LPP: variants seen among roughly 807,000 people sequenced by gnomAD.
The protein encoded by LPP is lipoma-preferred partner.
In LPP, 38 loss-of-function variants were observed where a neutral mutation model predicts 60.4. That is an observed-to-expected ratio of 0.63 (90% CI 0.49 to 0.83). LPP has a LOEUF of 0.83. LPP is among the 40% of genes least tolerant of loss of function. The probability of loss-of-function intolerance (pLI) is 0.00; values close to 1 mark genes in which losing one functional copy is unlikely to be tolerated. For synonymous variants in LPP, 328 were observed against 290.8 expected, an observed-to-expected ratio of 1.13 and a Z score of -1.30; for missense variants, 902 against 783.6, an observed-to-expected ratio of 1.15 and a Z score of -1.80.
intron 8 of LPP, chr3:188,709,958 A>G (rs1172248472): frequency 2.0e-5 from 3 of 152,258 alleles, no homozygotes; most frequent in African/African-American, 7.2e-5. Flanking sequence ...TTGTTCCTGT[A>G]TTTATCTCAT....
intron 1 of LPP, among the ~76,000 whole-genome samples, chr3:188,192,866 C>T (rs1351975162): frequency 1.3e-5 from 2 of 152,188 alleles, no homozygotes; most frequent in African/African-American, 2.4e-5. Flanking sequence ...TTGCTCCAGG[C>T]GTCGGCAGTG....
intron 6 of LPP, among the ~76,000 whole-genome samples, chr3:188,566,821 G>A (rs1370361730): frequency 1.3e-5 from 2 of 151,742 alleles, no homozygotes; most frequent in Non-Finnish European, 2.9e-5. Context: ...TTGGAGGGTG[G>A]AGAAGGGGAG....
At chr3:188,425,795 T>G (rs1789146724) in intron 4 of LPP, among the ~76,000 whole-genome samples, 1 of 152,164 alleles carries the variant, frequency 6.6e-6, no homozygotes, top group Non-Finnish European at 1.5e-5. Flanking sequence ...ATTGGTGATA[T>G]CCCCTTTATC....
chr3:188,512,577 A>AAAT (rs1277935187), intron 5 of LPP, among the ~76,000 whole-genome samples: 1 of 151,238 alleles, frequency 6.6e-6, no homozygotes, highest in African/African-American at 2.4e-5. Context: ...ATAAATAAAT[A>AAAT]AATAAATAAA....
chr3:188,247,256 A>T, intron 2 of LPP: 18 of 679,818 alleles, frequency 2.6e-5, no homozygotes, highest in Non-Finnish European at 3.1e-5. Context: ...AGGGCACTTT[A>T]GTGGGAAAAA....
chr3:188,505,132 C>T (rs1813081130), intron 5 of LPP, among the ~76,000 whole-genome samples: 1 of 152,146 alleles, frequency 6.6e-6, no homozygotes, highest in African/African-American at 2.4e-5. Flanking sequence ...AGAAAGTAGA[C>T]TCCTTTAATA....
At chr3:188,812,356 A>T (rs1405413483) in intron 9 of LPP, among the ~76,000 whole-genome samples, 2 of 152,114 alleles carry the variant, frequency 1.3e-5, no homozygotes, top group Non-Finnish European at 2.9e-5. Context: ...CCAAAAACGT[A>T]TTTCTTGCAG....
chr3:188,522,939 G>T (rs370366322), intron 5 of LPP, among the ~76,000 whole-genome samples: 2 of 151,164 alleles, frequency 1.3e-5, no homozygotes, highest in Non-Finnish European at 2.9e-5. Context: ...ACAGAGTCTC[G>T]CTCTGTCATG....
In LPP at chr3:188,468,170, G is replaced by A. The variant is rs1800939186; in HGVS notation, c.194-16422G>A. On this transcript the variant is annotated intron_variant, in intron 4 of 11. Transcript: ENST00000617246. ...GTGTATGCACCATATGCCTGGCACT[G>A]CCCTGGGTATTTTGCTTTGAAAATT... is the stretch of plus-strand genomic sequence containing the variant. Among the ~76,000 whole-genome samples, 4 of 152,228 alleles carry A rather than the reference G, an allele frequency of 2.6e-5. No homozygotes were observed. In the South Asian group the frequency reaches 8.3e-4, roughly 32 times the overall value.
rs73052747 is a variant in LPP at position 188,471,873 on chromosome 3, A to C, written c.194-12719A>C. ...TCAAGATCTGGATAAAGGCAGCTTCATGAGGCTTCTGTGCCTTACCTCAGC... is the reference window on the plus strand; with the variant it reads ...TCAAGATCTGGATAAAGGCAGCTTCCTGAGGCTTCTGTGCCTTACCTCAGC... On this transcript the variant is annotated intron_variant, in intron 4 of 11. Coordinates refer to ENST00000617246, the MANE Select transcript of LPP (RefSeq NM_001375462.1). 9.7e-3 allele frequency among the ~76,000 whole-genome samples: 1,483 copies of C among 152,346 alleles called. 24 individuals carry two copies. Among genetic ancestry groups the C allele is most frequent in the African/African-American group, 0.033 (1,367 of 41,570 alleles).
intron 6 of LPP, among the ~76,000 whole-genome samples, chr3:188,549,396 GTGTTTGTT>G (rs112386993): frequency 1.3e-5 from 2 of 151,384 alleles, no homozygotes; most frequent in Non-Finnish European, 3.0e-5. Flanking sequence ...TCTATTTTGT[GTGTTTGTT>G]TGTTTGTTTG....
At chr3:188,267,996 G>T (rs1313062126) in intron 2 of LPP, among the ~76,000 whole-genome samples, 1 of 149,708 alleles carries the variant, frequency 6.7e-6, no homozygotes, top group African/African-American at 2.5e-5. Context: ...GGAATCGATG[G>T]AATTCCAACT....
intron 2 of LPP, among the ~76,000 whole-genome samples, chr3:188,236,456 A>G (rs1350243319): frequency 3.3e-5 from 5 of 152,210 alleles, no homozygotes; most frequent in African/African-American, 1.2e-4. Flanking sequence ...ACATGCCGGA[A>G]AAGTGAAGAG....
At chr3:188,513,979 G>C (rs1816582296) in intron 5 of LPP, among the ~76,000 whole-genome samples, 1 of 152,210 alleles carries the variant, frequency 6.6e-6, no homozygotes, top group South Asian at 2.1e-4. Context: ...CCTGGAAGGT[G>C]CATACCCTCA....
chr3:188,303,730 T>G (rs1750662588), intron 2 of LPP, among the ~76,000 whole-genome samples: 2 of 152,200 alleles, frequency 1.3e-5, no homozygotes, highest in Admixed American at 1.3e-4. Flanking sequence ...GTTTCCTGAC[T>G]TGCTTGATCT....
At chr3:188,564,044 C>A (rs1017045210) in intron 6 of LPP, among the ~76,000 whole-genome samples, 1 of 151,832 alleles carries the variant, frequency 6.6e-6, no homozygotes, top group Non-Finnish European at 1.5e-5. Flanking sequence ...AGGTACTTAA[C>A]GCAATAAAAA....
At chr3:188,289,243 G>A (rs1745133335) in intron 2 of LPP, among the ~76,000 whole-genome samples, 1 of 152,118 alleles carries the variant, frequency 6.6e-6, no homozygotes, top group African/African-American at 2.4e-5. Flanking sequence ...TGGCCACTGT[G>A]TGTTTTACAG....
At chr3:188,526,033 C>T (rs1820487144) in intron 6 of LPP, among the ~76,000 whole-genome samples, 1 of 152,162 alleles carries the variant, frequency 6.6e-6, no homozygotes, top group African/African-American at 2.4e-5. Flanking sequence ...TTCAGGGCTT[C>T]CAATTCCTCA....
intron 3 of LPP, among the ~76,000 whole-genome samples, chr3:188,395,447 G>C (rs1398876321): frequency 1.3e-5 from 2 of 151,856 alleles, no homozygotes; most frequent in African/African-American, 4.8e-5. Context: ...TGTTGCGCAG[G>C]CTGATCTCGA....
Sources: allele counts gnomAD v4.1 joint callset (sites outside exome capture counted in the v4.1 genomes callset), GRCh38; gene constraint gnomAD v4.1.1; transcripts MANE v1.5; gene names NCBI Gene and HGNC (gene_info 2026-07-23, HGNC 2026-07-21).